The following CNTNAP5 variants were observed in gnomAD, a reference collection of about 807,000 sequenced individuals.
CNTNAP5 encodes the protein contactin associated protein family member 5, also known as contactin-associated protein-like 5.
Under a neutral mutation model 150.2 loss-of-function variants are expected in CNTNAP5, and 72 were observed. That is an observed-to-expected ratio of 0.48 (90% CI 0.40 to 0.58). The LOEUF is 0.58. Among genes scored for constraint, CNTNAP5 ranks in the 20% least tolerant of loss-of-function variants. The probability of loss-of-function intolerance (pLI) is 0.00; values close to 1 mark genes in which losing one functional copy is unlikely to be tolerated. For missense variants in CNTNAP5, 1,636 were observed against 1,626.2 expected (o/e 1.01, Z -0.10); for synonymous variants, 672 against 619.8 (o/e 1.08, Z -1.25).
At chr2:124,524,527 G>A in intron 9 of CNTNAP5, 75 bp downstream of exon 9, 1 of 1,422,648 alleles carries the variant, frequency 7.0e-7, no homozygotes, top group Non-Finnish European at 9.5e-7. Context: ...TCACTATGAT[G>A]GTTCTGGTTT....
rs1206517333 is a variant in CNTNAP5 at position 124,786,394 on chromosome 2, A to AAG, written c.2753-3508_2753-3507insAG. Among the ~76,000 whole-genome samples, 581 of 61,756 alleles carry AAG rather than the reference A, an allele frequency of 9.4e-3. 2 individuals carry two copies. Among genetic ancestry groups the AAG allele is most frequent in the Non-Finnish European group, 0.011 (348 of 31,486 alleles). 40.5% of individuals were successfully genotyped at this position (61,756 alleles called of 152,430 possible). On this transcript the variant is annotated intron_variant, in intron 17 of 23. Coordinates refer to ENST00000682447, the MANE Select transcript of CNTNAP5 (RefSeq NM_001367498.1). ...AAGAAAGAAAGAAAGAAAGAAAGAA[A>AAG]GAAAGAAGGAAGGAAGGAAGGAAGG... is the stretch of plus-strand genomic sequence containing the variant.
In CNTNAP5 at chr2:124,839,655, T is replaced by C. The variant is rs565371945; in HGVS notation, c.3218-25651T>C. ...AAATACATTTTAGACTACTCTGTTC[T>C]TAAGAACATTTACTGATTCCTGAAA... On this transcript the variant is annotated intron_variant, in intron 19 of 23. Transcript: ENST00000682447. 3.9e-5 allele frequency among the ~76,000 whole-genome samples: 6 copies of C among 152,246 alleles called. No individual in the cohort carries two copies. The East Asian group carries it at 9.7e-4, about 25-fold the overall frequency.
chr2:124,802,816 C>T (rs149018909), intron 19 of CNTNAP5, among the ~76,000 whole-genome samples: 2,012 of 152,196 alleles, frequency 0.013, 27 homozygotes, highest in Non-Finnish European at 0.015. Flanking sequence ...TAGAAAGGAT[C>T]CTTCCCTGGC....
At chr2:124,252,124 T>G (rs1687195808) in intron 3 of CNTNAP5, among the ~76,000 whole-genome samples, 1 of 152,182 alleles carries the variant, frequency 6.6e-6, no homozygotes, top group Non-Finnish European at 1.5e-5. Context: ...TAGTGCATAT[T>G]TTTGCAAAGG....
At chr2:124,911,284 A>C (rs1350914788) in intron 22 of CNTNAP5, among the ~76,000 whole-genome samples, 183 bp from the exon 23 acceptor site, 1 of 151,990 alleles carries the variant, frequency 6.6e-6, no homozygotes, top group Non-Finnish European at 1.5e-5. Flanking sequence ...GGGTGTGAGC[A>C]GTGCACTTCA....
At chr2:124,163,195 C>A (rs1369516366) in intron 1 of CNTNAP5, among the ~76,000 whole-genome samples, 2 of 152,080 alleles carry the variant, frequency 1.3e-5, no homozygotes, top group Non-Finnish European at 2.9e-5. Flanking sequence ...TCATGAGGAA[C>A]TGGAAGTATC....
At position 124,214,509 on chromosome 2, in the gene CNTNAP5, T is replaced by G. The variant is rs1686106859; in HGVS notation, c.83-7196T>G. Among the ~76,000 whole-genome samples the G allele has an allele frequency of 2.0e-5, 3 of 152,310 alleles. No homozygotes were observed. In the South Asian group the frequency reaches 6.2e-4, roughly 32 times the overall value. On this transcript the variant is annotated intron_variant, in intron 1 of 23. Transcript: ENST00000682447. ...TACTCTCTGCAAAGCCTGACAGAAA[T>G]TTTGACACCTAGTATGTGCTCAATT...
At chr2:124,314,364 AT>A (rs1208845818) in intron 3 of CNTNAP5, among the ~76,000 whole-genome samples, 2 of 152,152 alleles carry the variant, frequency 1.3e-5, no homozygotes, top group African/African-American at 4.8e-5. Flanking sequence ...TTTCTCCTTG[AT>A]TTGCAGCGAC....
chr2:124,718,714 C>T (rs1020768882), intron 13 of CNTNAP5, among the ~76,000 whole-genome samples: 2 of 151,960 alleles, frequency 1.3e-5, no homozygotes, highest in Non-Finnish European at 1.5e-5. Flanking sequence ...CGGGCCAAAG[C>T]GAGCAGATCA....
Position 124,647,966 on chromosome 2 carries a change from C to A in CNTNAP5, c.2077+8C>A. The stretch of plus-strand genomic sequence containing the variant: ...GCCTGCTCAACACGCCGGGTAAGGC[C>A]TCTGCATGCATGACCACAGTGGGAT... On this transcript the variant is annotated splice_region_variant and intron_variant, in intron 13 of 23. Coordinates refer to ENST00000682447, the MANE Select transcript of CNTNAP5 (RefSeq NM_001367498.1). The A allele has an allele frequency of 6.3e-7, 1 of 1,586,812 alleles. No individual in the cohort carries two copies.
chr2:124,433,743 A>G (rs1442174908), intron 4 of CNTNAP5, among the ~76,000 whole-genome samples: 2 of 152,204 alleles, frequency 1.3e-5, no homozygotes. Context: ...ACACATTCCA[A>G]ATAGAATCTC....
intron 3 of CNTNAP5, among the ~76,000 whole-genome samples, chr2:124,348,249 C>T (rs563130850): frequency 6.6e-6 from 1 of 152,092 alleles, no homozygotes; most frequent in Non-Finnish European, 1.5e-5. Context: ...ATTGCTAATA[C>T]ATATAAGAAA....
intron 19 of CNTNAP5, among the ~76,000 whole-genome samples, chr2:124,823,410 A>C (rs1682530451): frequency 6.6e-6 from 1 of 152,132 alleles, no homozygotes; most frequent in Admixed American, 6.6e-5. Context: ...TACCATTCAC[A>C]CATTTCACCT....
chr2:124,442,727 A>C (rs890580208), intron 5 of CNTNAP5, among the ~76,000 whole-genome samples: 1 of 152,184 alleles, frequency 6.6e-6, no homozygotes, highest in Non-Finnish European at 1.5e-5. Flanking sequence ...AATCAAACAA[A>C]CAAAAACAGA....
chr2:124,854,046 T>C (rs922420133), intron 19 of CNTNAP5, among the ~76,000 whole-genome samples: 1 of 152,250 alleles, frequency 6.6e-6, no homozygotes. Flanking sequence ...ATCTACTTTA[T>C]CCAATCTGTC....
chr2:124,895,833 C>T (rs918452308), intron 21 of CNTNAP5, among the ~76,000 whole-genome samples: 4 of 151,320 alleles, frequency 2.6e-5, no homozygotes, highest in African/African-American at 9.8e-5. Flanking sequence ...AGGGGTGCTC[C>T]TTAGGAAGGT....
intron 21 of CNTNAP5, among the ~76,000 whole-genome samples, chr2:124,885,467 T>C (rs1355562439): frequency 6.6e-6 from 1 of 151,894 alleles, no homozygotes; most frequent in Non-Finnish European, 1.5e-5. Context: ...ATTAACCATT[T>C]TAAAGAATAC....
chr2:124,532,715 A>C (rs1169680780), intron 10 of CNTNAP5, among the ~76,000 whole-genome samples: 1 of 152,194 alleles, frequency 6.6e-6, no homozygotes, highest in Non-Finnish European at 1.5e-5. Context: ...TGTGACACAC[A>C]TTATTTAAAC....
chr2:124,769,940 G>C (rs577102519), intron 16 of CNTNAP5, among the ~76,000 whole-genome samples: 2 of 151,996 alleles, frequency 1.3e-5, no homozygotes, highest in African/African-American at 4.8e-5. Context: ...TGAGTAGTAA[G>C]GTATTTGGCT....
Sources: gnomAD v4.1 joint callset for allele counts (sites outside exome capture counted in the v4.1 genomes callset) on GRCh38, gnomAD v4.1.1 for gene constraint, MANE v1.5 for transcripts, NCBI Gene and HGNC (gene_info 2026-07-23, HGNC 2026-07-21) for gene names.